The following HYDIN variants were observed in gnomAD, a reference collection of about 807,000 sequenced individuals.
HYDIN encodes HYDIN axonemal central pair apparatus protein, also known as axonemal central pair apparatus protein HYDIN.
HYDIN carries 132 observed loss-of-function variants against 403.9 expected under a neutral mutation model. The observed-to-expected ratio is 0.33, with a 90% CI of 0.28 to 0.38. HYDIN has a LOEUF of 0.38. HYDIN is among the 10% of genes least tolerant of loss of function. The pLI is 1.00. For missense variants in HYDIN, 2,827 were observed against 5,009.5 expected, an observed-to-expected ratio of 0.56 and a Z score of 13.15; for synonymous variants, 1,202 against 1,891.7, an observed-to-expected ratio of 0.64 and a Z score of 9.46.
At chr16:70,922,784 C>A (rs2077032729) in intron 45 of HYDIN, among the ~76,000 whole-genome samples, 2 of 132,540 alleles carry the variant, frequency 1.5e-5, no homozygotes, top group Non-Finnish European at 1.6e-5. Context: ...GCTTTTATAA[C>A]CTTTTTTTTT....
intron 75 of HYDIN, among the ~76,000 whole-genome samples, chr16:70,847,721 C>G (rs2038313362): frequency 6.6e-6 from 1 of 151,696 alleles, no homozygotes; most frequent in African/African-American, 2.4e-5. Context: ...TCCAGATGAT[C>G]TGTCTTTGTA....
intron 1 of HYDIN, among the ~76,000 whole-genome samples, chr16:71,206,736 A>G (rs942765696): frequency 2.0e-5 from 3 of 152,252 alleles, no homozygotes; most frequent in African/African-American, 7.2e-5. Flanking sequence ...AATGTAACTG[A>G]CCGATAGAGC....
chr16:70,977,565 C>A (rs1244217459), intron 30 of HYDIN, among the ~76,000 whole-genome samples: 1 of 151,190 alleles, frequency 6.6e-6, no homozygotes, highest in Non-Finnish European at 1.5e-5. Context: ...TTAGAGCCCC[C>A]TCTTAACCAA....
At chr16:71,018,659 T>C (rs1272472548) in intron 22 of HYDIN, among the ~76,000 whole-genome samples, 1 of 151,070 alleles carries the variant, frequency 6.6e-6, no homozygotes, top group South Asian at 2.1e-4. Context: ...CATCTAAGTA[T>C]AGACACTTAT....
intron 41 of HYDIN, among the ~76,000 whole-genome samples, chr16:70,946,024 C>T (rs567669461): frequency 1.3e-5 from 2 of 149,732 alleles, no homozygotes; most frequent in East Asian, 2.0e-4. Context: ...TTTAATGATG[C>T]GAATAATAAT....
At chr16:70,809,708 T>A in intron 85 of HYDIN, 75 bp downstream of exon 85, 20 of 1,159,428 alleles carry the variant, frequency 1.7e-5, no homozygotes, top group Non-Finnish European at 2.2e-5. Context: ...TCATGCTCCC[T>A]GTGTCTCCTC....
chr16:71,056,887 T>C (rs1339349997), intron 18 of HYDIN, among the ~76,000 whole-genome samples: 1 of 141,432 alleles, frequency 7.1e-6, no homozygotes, highest in African/African-American at 2.6e-5. Flanking sequence ...CAAATTAGCA[T>C]AGTTCAATTT....
chr16:71,194,422 A>C (rs1389602538), intron 1 of HYDIN, among the ~76,000 whole-genome samples: 1 of 152,190 alleles, frequency 6.6e-6, no homozygotes, highest in Non-Finnish European at 1.5e-5. Flanking sequence ...AAATAAAATA[A>C]AATAATTTTT....
Position 70,803,974 on chromosome 16 carries a change from G to T in HYDIN, c.*3606C>A, listed in dbSNP as rs1331368703. Among the ~76,000 whole-genome samples, 1 of 152,214 alleles carries T rather than the reference G, an allele frequency of 6.6e-6. No individual in the cohort carries two copies. Among genetic ancestry groups the T allele is most frequent in the Non-Finnish European group, 1.5e-5 (1 of 68,036 alleles). On this transcript the variant is annotated 3_prime_UTR_variant, in exon 86 of 86. Transcript: ENST00000393567. ...CCCCCAGTTAGAAGTCTCCTGGTCT[G>T]CTTTGCTGAGAATGGATTCTCCAAT...
chr16:70,907,960 C>A (rs1040403513), intron 49 of HYDIN, among the ~76,000 whole-genome samples: 1 of 152,102 alleles, frequency 6.6e-6, no homozygotes, highest in African/African-American at 2.4e-5. Flanking sequence ...GATAGAACTG[C>A]TTTAAATTTG....
intron 83 of HYDIN, among the ~76,000 whole-genome samples, chr16:70,823,851 C>A (rs1321511982): frequency 6.9e-6 from 1 of 145,634 alleles, no homozygotes. Context: ...ACTCTGATTT[C>A]TGCCTCCTCA....
At chr16:70,822,197 A>G (rs2036311703) in intron 83 of HYDIN, among the ~76,000 whole-genome samples, 1 of 152,096 alleles carries the variant, frequency 6.6e-6, no homozygotes, top group Non-Finnish European at 1.5e-5. Context: ...TGCCATTAAG[A>G]ACATCTGTGA....
intron 10 of HYDIN, among the ~76,000 whole-genome samples, chr16:71,110,476 A>ATTTCAT (rs2083785298): frequency 7.0e-6 from 1 of 141,978 alleles, no homozygotes; most frequent in East Asian, 2.0e-4. Context: ...AACATATATA[A>ATTTCAT]ATATATATAA....
intron 39 of HYDIN, among the ~76,000 whole-genome samples, chr16:70,959,059 T>A (rs2078329151): frequency 6.6e-6 from 1 of 152,054 alleles, no homozygotes; most frequent in Non-Finnish European, 1.5e-5. Context: ...AGATTTTTTT[T>A]TTCCCAATGT....
chr16:70,914,039 C>G (rs1330961734), intron 47 of HYDIN, among the ~76,000 whole-genome samples: 12 of 148,710 alleles, frequency 8.1e-5, no homozygotes, highest in Non-Finnish European at 1.8e-4. Context: ...CTCTTGAAGG[C>G]AGCAGATAGT....
chr16:71,218,090 A>C (rs1005953286), intron 1 of HYDIN, among the ~76,000 whole-genome samples: 2 of 152,174 alleles, frequency 1.3e-5, no homozygotes, highest in Non-Finnish European at 1.5e-5. Flanking sequence ...TTTTCTGAAT[A>C]AGAAAAAAAA....
At chr16:71,136,978 C>T (rs1457581891) in intron 8 of HYDIN, among the ~76,000 whole-genome samples, 173 bp downstream of exon 8, 1 of 149,162 alleles carries the variant, frequency 6.7e-6, no homozygotes, top group African/African-American at 2.5e-5. Flanking sequence ...CAGCTCAGAT[C>T]GTTCAAATGA....
chr16:71,019,426 C>G (rs1411298811), intron 22 of HYDIN, among the ~76,000 whole-genome samples: 1 of 152,264 alleles, frequency 6.6e-6, no homozygotes, highest in Admixed American at 6.5e-5. Flanking sequence ...ATTCAACAGT[C>G]AGAGAGAGAG....
intron 1 of HYDIN, among the ~76,000 whole-genome samples, chr16:71,218,182 C>T (rs1813646145): frequency 6.6e-6 from 1 of 152,216 alleles, no homozygotes; most frequent in Admixed American, 6.5e-5. Context: ...AGATTCAACA[C>T]ACCCAGTGGT....
Sources: gnomAD v4.1 joint callset for allele counts (sites outside exome capture counted in the v4.1 genomes callset) on GRCh38, gnomAD v4.1.1 for gene constraint, MANE v1.5 for transcripts, NCBI Gene and HGNC (gene_info 2026-07-23, HGNC 2026-07-21) for gene names.